The following TIMM50 variants were observed in gnomAD, a reference collection of about 807,000 sequenced individuals.
TIMM50 encodes the protein translocase of inner mitochondrial membrane 50, also known as mitochondrial import inner membrane translocase subunit TIM50.
Under a neutral mutation model 49.6 loss-of-function variants are expected in TIMM50, and 34 were observed. That is an observed-to-expected ratio of 0.69 (90% CI 0.52 to 0.91). TIMM50 has a LOEUF of 0.91. Among genes scored for constraint, TIMM50 ranks in the 40% least tolerant of loss-of-function variants. The pLI is 0.00. For missense variants in TIMM50, 458 were observed against 477.8 expected, an observed-to-expected ratio of 0.96 and a Z score of 0.39; for synonymous variants, 199 against 198.4, an observed-to-expected ratio of 1.00 and a Z score of -0.03.
At chr19:39,481,824 G>T in intron 1 of TIMM50, 59 bp from the exon 2 acceptor site, 1 of 1,573,562 alleles carries the variant, frequency 6.4e-7, no homozygotes, top group Non-Finnish European at 8.6e-7. Flanking sequence ...TGGACTGGAG[G>T]GTGGGGACCA....
At chr19:39,487,920 A>G in intron 8 of TIMM50, 141 bp from the exon 9 acceptor site, 1 of 1,306,794 alleles carries the variant, frequency 7.7e-7, no homozygotes, top group Non-Finnish European at 1.0e-6. Context: ...CATCATCCAA[A>G]GCCGGTCTTT....
chr19:39,489,628 C>T lies in TIMM50; in HGVS notation c.961-91C>T, dbSNP rs1032169714. On this transcript the variant is annotated intron_variant, in intron 10 of 10. Transcript: ENST00000607714. ...GGCAGAAGTCAGAAGGAAAGGTGGTCCCTGGGCTGAGGCCTGGGGACCTGG... is the reference window on the plus strand; with the variant it reads ...GGCAGAAGTCAGAAGGAAAGGTGGTTCCTGGGCTGAGGCCTGGGGACCTGG... 5 of 1,243,702 alleles carry T rather than the reference C, an allele frequency of 4.0e-6. No individual in the cohort carries two copies. In the Admixed American group the frequency reaches 6.7e-5, roughly 17 times the overall value. 77.0% of individuals were successfully genotyped at this position (1,243,702 alleles called of 1,614,324 possible).
In TIMM50 at chr19:39,489,900, A is replaced by T; in HGVS notation, c.*80A>T. 7.5e-7 allele frequency: 1 copy of T among 1,335,158 alleles called. No homozygotes were observed. The highest frequency in any genetic ancestry group is 1.1e-6 in the Non-Finnish European group (1 of 949,942). 82.7% of individuals were successfully genotyped at this position (1,335,158 alleles called of 1,614,324 possible). A position where few individuals can be genotyped will look rare whatever the true frequency, so the allele number is the denominator to read the frequency against. ...CCAAGACTTGGGCCACCACTTGTCCAATAAAGTACATCCCAGACGCCACAC... is the reference window on the plus strand; with the variant it reads ...CCAAGACTTGGGCCACCACTTGTCCTATAAAGTACATCCCAGACGCCACAC... On this transcript the variant is annotated 3_prime_UTR_variant, in exon 11 of 11. Coordinates refer to ENST00000607714, the MANE Select transcript of TIMM50 (RefSeq NM_001001563.5).
In TIMM50 at chr19:39,489,229, G is replaced by C. The variant is rs576959277; in HGVS notation, c.961-490G>C. Among the ~76,000 whole-genome samples the C allele has an allele frequency of 8.5e-5, 13 of 152,054 alleles. No individual in the cohort carries two copies. The South Asian group carries it at 1.2e-3, about 15-fold the overall frequency. On this transcript the variant is annotated intron_variant, in intron 10 of 10. Coordinates refer to ENST00000607714, the MANE Select transcript of TIMM50 (RefSeq NM_001001563.5). ...CCCCCCACCCCTGCATCCAGAGAGG[G>C]GTCATGGGGCTCAGAGGGCCCAGGG...
chr19:39,487,580 C>T (rs1485638565), intron 8 of TIMM50, among the ~76,000 whole-genome samples: 1 of 152,138 alleles, frequency 6.6e-6, no homozygotes, highest in African/African-American at 2.4e-5. Context: ...TCCTCAGCCT[C>T]CCGAGTAGCT....
intron 2 of TIMM50, 93 bp downstream of exon 2, chr19:39,482,126 G>C: frequency 1.9e-5 from 28 of 1,493,892 alleles, no homozygotes; most frequent in Non-Finnish European, 2.5e-5. Flanking sequence ...AGCTTCTCTC[G>C]TCTTCATTCC....
At position 39,492,731 on chromosome 19, in the gene TIMM50, C is replaced by G. The variant is rs2079553642; in HGVS notation, c.*2911C>G. 1 of 151,594 alleles carries G rather than the reference C, an allele frequency of 6.6e-6. No individual in the cohort carries two copies. The highest frequency in any genetic ancestry group is 2.4e-5 in the African/African-American group (1 of 41,226). The allele number at this position is 151,594 out of a possible 1,614,324, so 9.4% of individuals were successfully genotyped here. A position where few individuals can be genotyped will look rare whatever the true frequency, so the allele number is the denominator to read the frequency against. The stretch of plus-strand genomic sequence containing the variant: ...AAAAAATACAAATAAATTAGCTGGG[C>G]ATGGTGGTGGGTGCCTGTAATCCCA... On this transcript the variant is annotated 3_prime_UTR_variant, in exon 11 of 11. Transcript: ENST00000607714.
chr19:39,491,000 A>G lies in TIMM50; in HGVS notation c.*1180A>G, dbSNP rs1347924633. On this transcript the variant is annotated 3_prime_UTR_variant, in exon 11 of 11. Transcript: ENST00000607714. The stretch of plus-strand genomic sequence containing the variant: ...ACCATTGCACTCCAGCCTGGGCAAC[A>G]GCAGCGAAACTCCATCTCAAAAAAT... 1 of 151,974 alleles carries G rather than the reference A, an allele frequency of 6.6e-6. No individual in the cohort carries two copies. The highest frequency in any genetic ancestry group is 2.4e-5 in the African/African-American group (1 of 41,376). The allele number at this position is 151,974 out of a possible 1,614,324, so 9.4% of individuals were successfully genotyped here. A position where few individuals can be genotyped will look rare whatever the true frequency, so the allele number is the denominator to read the frequency against.
At chr19:39,481,731 C>T in intron 1 of TIMM50, 152 bp from the exon 2 acceptor site, 1 of 1,011,476 alleles carries the variant, frequency 9.9e-7, no homozygotes, top group African/African-American at 1.6e-5. Flanking sequence ...TGAGCAGCCC[C>T]ACATCCTGAC....
Position 39,489,935 on chromosome 19 carries a change from C to G in TIMM50, c.*115C>G. 9.9e-7 allele frequency: 1 copy of G among 1,006,792 alleles called. No homozygotes were observed. The highest frequency in any genetic ancestry group is 1.5e-5 in the South Asian group (1 of 68,960). 62.4% of individuals were successfully genotyped at this position (1,006,792 alleles called of 1,614,324 possible). A position where few individuals can be genotyped will look rare whatever the true frequency, so the allele number is the denominator to read the frequency against. ...ATCCCAGACGCCACACCTGCTGTGT[C>G]CCGAGAGTCTCCAGATGGGGGCATC... On this transcript the variant is annotated 3_prime_UTR_variant, in exon 11 of 11. Transcript: ENST00000607714.
chr19:39,485,362 A>C, intron 4 of TIMM50, 182 bp from the exon 5 acceptor site: 1 of 653,844 alleles, frequency 1.5e-6, no homozygotes, highest in South Asian at 1.9e-5. Context: ...GCAAGTAAAT[A>C]AATCTGTGTT....
Position 39,491,601 on chromosome 19 carries a change from C to G in TIMM50, c.*1781C>G, listed in dbSNP as rs2079545469. 2.0e-5 allele frequency: 3 copies of G among 151,384 alleles called. No homozygotes were observed. The highest frequency in any genetic ancestry group is 1.3e-4 in the Admixed American group (2 of 15,218). 9.4% of individuals were successfully genotyped at this position (151,384 alleles called of 1,614,324 possible). A position where few individuals can be genotyped will look rare whatever the true frequency, so the allele number is the denominator to read the frequency against. ...TTGGGAGGCCGAAGCAGGAGGATTG[C>G]TTGAATCCAGGAGTACGAGACCACC... On this transcript the variant is annotated 3_prime_UTR_variant, in exon 11 of 11. Coordinates refer to ENST00000607714, the MANE Select transcript of TIMM50 (RefSeq NM_001001563.5).
In TIMM50 at chr19:39,486,168, G is replaced by A; in HGVS notation, c.493-19G>A. 1 of 1,613,286 alleles carries A rather than the reference G, an allele frequency of 6.2e-7. No individual in the cohort carries two copies. The highest frequency in any genetic ancestry group is 1.1e-5 in the South Asian group (1 of 91,066). ...GACCTCTGGGTCTTGGTGTTTCACTGTCCTCACTGTCTTCCCAGCTGGCCA... is the reference window on the plus strand; with the variant it reads ...GACCTCTGGGTCTTGGTGTTTCACTATCCTCACTGTCTTCCCAGCTGGCCA... On this transcript the variant is annotated intron_variant, in intron 6 of 10. Transcript: ENST00000607714.
chr19:39,483,348 C>G lies in TIMM50; in HGVS notation c.313+192C>G, dbSNP rs565246513. 6 of 663,034 alleles carry G rather than the reference C, an allele frequency of 9.0e-6. No homozygotes were observed. In the East Asian group the frequency reaches 1.1e-4, roughly 12 times the overall value. 41.1% of individuals were successfully genotyped at this position (663,034 alleles called of 1,614,324 possible). A position where few individuals can be genotyped will look rare whatever the true frequency, so the allele number is the denominator to read the frequency against. ...GCCCACTTCCCTGGCCCCTCAGCCCCGAGCAGATGGTCAGAGACAGATGGG... is the reference window on the plus strand; with the variant it reads ...GCCCACTTCCCTGGCCCCTCAGCCCGGAGCAGATGGTCAGAGACAGATGGG... On this transcript the variant is annotated intron_variant, in intron 4 of 10. Coordinates refer to ENST00000607714, the MANE Select transcript of TIMM50 (RefSeq NM_001001563.5).
Position 39,491,581 on chromosome 19 carries a change from A to T in TIMM50, c.*1761A>T, listed in dbSNP as rs945736394. The T allele has an allele frequency of 6.6e-6, 1 of 151,084 alleles. No homozygotes were observed. The highest frequency in any genetic ancestry group is 6.6e-5 in the Admixed American group (1 of 15,208). 9.4% of individuals were successfully genotyped at this position (151,084 alleles called of 1,614,324 possible). A position where few individuals can be genotyped will look rare whatever the true frequency, so the allele number is the denominator to read the frequency against. Reference sequence around the variant, plus strand: ...ACGCCTGTAATCCTGACACTTTGGGAGGCCGAAGCAGGAGGATTGCTTGAA... The same window carrying T: ...ACGCCTGTAATCCTGACACTTTGGGTGGCCGAAGCAGGAGGATTGCTTGAA... On this transcript the variant is annotated 3_prime_UTR_variant, in exon 11 of 11. Coordinates refer to ENST00000607714, the MANE Select transcript of TIMM50 (RefSeq NM_001001563.5).
Position 39,483,132 on chromosome 19 carries a change from C to G in TIMM50, c.292-3C>G. 6.2e-7 allele frequency: 1 copy of G among 1,614,150 alleles called. No individual in the cohort carries two copies. The highest frequency in any genetic ancestry group is 8.5e-7 in the Non-Finnish European group (1 of 1,180,020). ...ACCTTCCATTTTTCTCTCTACCTCC[C>G]AGATTCCTGATGAGTTCGACAATGG... On this transcript the variant is annotated splice_region_variant and splice_polypyrimidine_tract_variant and intron_variant, in intron 3 of 10. Coordinates refer to ENST00000607714, the MANE Select transcript of TIMM50 (RefSeq NM_001001563.5).
At chr19:39,485,658 G>A in intron 5 of TIMM50, 30 bp from the exon 6 acceptor site, 2 of 1,614,104 alleles carry the variant, frequency 1.2e-6, no homozygotes, top group Non-Finnish European at 1.7e-6. Context: ...CTCCTTGTCT[G>A]AGCGCCCCCA....
intron 1 of TIMM50, 103 bp from the exon 2 acceptor site, chr19:39,481,780 T>G: frequency 7.0e-7 from 1 of 1,431,578 alleles, no homozygotes; most frequent in Non-Finnish European, 9.5e-7. Context: ...GCTCTGTGGG[T>G]GTCTGCCTCT....
At chr19:39,487,465 A>AT (rs555858236) in intron 8 of TIMM50, among the ~76,000 whole-genome samples, 7 of 150,728 alleles carry the variant, frequency 4.6e-5, no homozygotes, top group East Asian at 2.0e-4. Context: ...TTATTTATTT[A>AT]TTTTTTTTGT....
Sources: gnomAD v4.1 joint callset for allele counts (sites outside exome capture counted in the v4.1 genomes callset) on GRCh38, gnomAD v4.1.1 for gene constraint, MANE v1.5 for transcripts, NCBI Gene and HGNC (gene_info 2026-07-23, HGNC 2026-07-21) for gene names.